Variants in ENPP7 observed in about 807,000 individuals in gnomAD.
ENPP7 encodes the protein ectonucleotide pyrophosphatase/phosphodiesterase family member 7.
In ENPP7, 39 loss-of-function variants were observed where a neutral mutation model predicts 33.6. The observed-to-expected ratio is 1.16, with a 90% CI of 0.90 to 1.52. ENPP7 has a LOEUF of 1.52. Ranked by LOEUF, ENPP7 falls within the 40% of genes most tolerant of loss-of-function variation. The pLI is 0.00. For missense variants in ENPP7, 594 were observed against 641.0 expected, an observed-to-expected ratio of 0.93 and a Z score of 0.79; for synonymous variants, 244 against 274.3, an observed-to-expected ratio of 0.89 and a Z score of 1.09.
In ENPP7 at chr17:79,739,154, G is replaced by A. The variant is rs1555824179; in HGVS notation, c.*16+1092G>A. ...ACACCAGAAGAAGCCAGACACACCA[G>A]GCAGGGGAAAGAGCCAGGGACAGGC... On this transcript the variant is annotated intron_variant, in intron 5 of 5. Coordinates refer to ENST00000328313, the MANE Select transcript of ENPP7 (RefSeq NM_178543.5). This position sits in a 1 kb window ranked among gnomAD's most constrained non-coding sequence, Gnocchi z 4.4. The A allele has an allele frequency of 6.5e-6, 1 of 152,794 alleles. No homozygotes were observed. Among genetic ancestry groups the A allele is most frequent in the African/African-American group, 2.4e-5 (1 of 41,472 alleles). The allele number at this position is 152,794 out of a possible 1,614,324, so 9.5% of individuals were successfully genotyped here.
At position 79,735,582 on chromosome 17, in the gene ENPP7, G is replaced by A. The variant is rs1470975243; in HGVS notation, c.939G>A (p.Glu313=). 3.1e-6 allele frequency: 5 copies of A among 1,613,892 alleles called. No homozygotes were observed. The highest frequency in any genetic ancestry group is 4.2e-6 in the Non-Finnish European group (5 of 1,180,018). Residue 313 remains glutamate, a synonymous_variant, in exon 3 of 6, where the codon GAG becomes GAA. Coordinates refer to ENST00000328313, the MANE Select transcript of ENPP7 (RefSeq NM_178543.5). The surrounding 1 kb of genome is among the most constrained non-coding windows in gnomAD (Gnocchi z 5.5). ...CCAAGCTCCACGTCTACAAGAAGGA[G>A]GCGTTCCCCGAGGCCTTCCACTACG... The part of the protein sequence containing the change: ...AHPKLHVYKK[E]AFPEAFHYAN...
At chr17:79,741,620 A>T (rs1200137047) in intron 5 of ENPP7, among the ~76,000 whole-genome samples, 174 bp from the exon 6 acceptor site, 7 of 149,948 alleles carry the variant, frequency 4.7e-5, no homozygotes, top group Middle Eastern at 3.2e-3. Flanking sequence ...GCAGCCTGGT[A>T]GGGCCGCCCC....
In ENPP7 at chr17:79,731,148, C is replaced by T. The variant is rs2094284356; in HGVS notation, c.9C>T (p.Gly3=). 1 of 1,607,912 alleles carries T rather than the reference C, an allele frequency of 6.2e-7. No individual in the cohort carries two copies. Among genetic ancestry groups the T allele is most frequent in the Non-Finnish European group, 8.5e-7 (1 of 1,178,866 alleles). ...CATCTGGAAGGCCCAGCATGAGAGG[C>T]CCGGCCGTCCTCCTCACTGTGGCTC... MR[G]PAVLLTVALA... is the part of the protein sequence containing the mutation. Residue 3 remains glycine, a synonymous_variant, in exon 1 of 6, where the codon GGC becomes GGT. Transcript: ENST00000328313.
intron 1 of ENPP7, among the ~76,000 whole-genome samples, chr17:79,732,859 C>T (rs2094288940): frequency 6.6e-6 from 1 of 152,232 alleles, no homozygotes; most frequent in South Asian, 2.1e-4. Context: ...ACACAGGCAG[C>T]TCATCCCCAC....
Position 79,733,627 on chromosome 17 carries a change from C to A in ENPP7, c.373C>A (p.Pro125Thr). 6.2e-7 allele frequency: 1 copy of A among 1,612,644 alleles called. No individual in the cohort carries two copies. Among genetic ancestry groups the A allele is most frequent in the Non-Finnish European group, 8.5e-7 (1 of 1,179,892 alleles). Residue 125 changes from proline (P) to threonine (T), a missense_variant, in exon 2 of 6, where the codon CCC becomes ACC. Pro to Thr is a conservative substitution (Grantham distance 38). This residue lies in a region of ENPP7 where 504 missense variants were observed against 512.8 expected (regional missense o/e 0.98). Transcript: ENST00000328313. Reference sequence around the variant, plus strand: ...GAGGTGGTGGGACAACGGCAGCGTGCCCATCTGGATCACAGCCCAGAGGCA... The same window carrying A: ...GAGGTGGTGGGACAACGGCAGCGTGACCATCTGGATCACAGCCCAGAGGCA... Reference protein sequence around the residue: ...IQRWWDNGSVPIWITAQRQGL... With the variant: ...IQRWWDNGSVTIWITAQRQGL...
chr17:79,739,956 C>T lies in ENPP7; in HGVS notation c.*17-1838C>T, dbSNP rs2094302463. On this transcript the variant is annotated intron_variant, in intron 5 of 5. Transcript: ENST00000328313. This position sits in a 1 kb window ranked among gnomAD's most constrained non-coding sequence, Gnocchi z 4.4. Reference sequence around the variant, plus strand: ...CCTGGAACCCCAGTACTTCCAGAGGCCGACGCAGGAGGATCGCTTGAGCCC... The same window carrying T: ...CCTGGAACCCCAGTACTTCCAGAGGTCGACGCAGGAGGATCGCTTGAGCCC... Among the ~76,000 whole-genome samples the T allele has an allele frequency of 6.6e-6, 1 of 152,186 alleles. No homozygotes were observed. Among genetic ancestry groups the T allele is most frequent in the Admixed American group, 6.5e-5 (1 of 15,276 alleles).
rs1487716435 is a variant in ENPP7 at position 79,732,123 on chromosome 17, T to TATATATATATATACATATATACACAC, written c.253+739_253+740insATATACATATATACACACATATATAT. Among the ~76,000 whole-genome samples the TATATATATATATACATATATACACAC allele has an allele frequency of 2.7e-3, 102 of 37,750 alleles. 6 individuals carry two copies. Among genetic ancestry groups the TATATATATATATACATATATACACAC allele is most frequent in the African/African-American group, 0.011 (92 of 8,140 alleles). The allele number at this position is 37,750 out of a possible 152,430, so 24.8% of individuals were successfully genotyped here. A position where few individuals can be genotyped will look rare whatever the true frequency, so the allele number is the denominator to read the frequency against. The stretch of plus-strand genomic sequence containing the variant: ...ATATATATATACATATATATATACA[T>TATATATATATATACATATATACACAC]ATATATATGTATATATATATATATA... On this transcript the variant is annotated intron_variant, in intron 1 of 5. Coordinates refer to ENST00000328313, the MANE Select transcript of ENPP7 (RefSeq NM_178543.5).
Position 79,742,070 on chromosome 17 carries a change from C to G in ENPP7, c.*293C>G, listed in dbSNP as rs1388519892. The G allele has an allele frequency of 2.1e-6, 1 of 466,490 alleles. No individual in the cohort carries two copies. Among genetic ancestry groups the G allele is most frequent in the Non-Finnish European group, 2.8e-6 (1 of 355,168 alleles). 28.9% of individuals were successfully genotyped at this position (466,490 alleles called of 1,614,324 possible). A position where few individuals can be genotyped will look rare whatever the true frequency, so the allele number is the denominator to read the frequency against. On this transcript the variant is annotated 3_prime_UTR_variant, in exon 6 of 6. Coordinates refer to ENST00000328313, the MANE Select transcript of ENPP7 (RefSeq NM_178543.5). ...GGGCCCCCTCCTCCTGCAAAACCCG[C>G]TCCCGAAGCGGCGCTGCCGTCTGCA...
At chr17:79,741,157 T>A (rs1193316597) in intron 5 of ENPP7, among the ~76,000 whole-genome samples, 1 of 152,094 alleles carries the variant, frequency 6.6e-6, no homozygotes, top group Admixed American at 6.5e-5. Flanking sequence ...ACTAATTTTT[T>A]AATTTTTAAT....
At position 79,738,173 on chromosome 17, in the gene ENPP7, C is replaced by A; in HGVS notation, c.*16+111C>A. On this transcript the variant is annotated intron_variant, in intron 5 of 5. Coordinates refer to ENST00000328313, the MANE Select transcript of ENPP7 (RefSeq NM_178543.5). This position sits in a 1 kb window ranked among gnomAD's most constrained non-coding sequence, Gnocchi z 6.2. ...ACCAGAACAGAGCTGCCAGGCCCCG[C>A]CAAGCAGGTGACTCCCACTGACCTG... 1 of 1,161,858 alleles carries A rather than the reference C, an allele frequency of 8.6e-7. No individual in the cohort carries two copies. Among genetic ancestry groups the A allele is most frequent in the Non-Finnish European group, 1.2e-6 (1 of 819,132 alleles). The allele number at this position is 1,161,858 out of a possible 1,614,324, so 72.0% of individuals were successfully genotyped here.
At chr17:79,732,020 C>G (rs575752016) in intron 1 of ENPP7, among the ~76,000 whole-genome samples, 11 of 151,188 alleles carry the variant, frequency 7.3e-5, no homozygotes, top group Admixed American at 4.0e-4. Flanking sequence ...ATTGCATGAA[C>G]CCAGGAGGTG....
intron 2 of ENPP7, among the ~76,000 whole-genome samples, chr17:79,734,087 A>C (rs1483762120): frequency 6.6e-6 from 1 of 152,156 alleles, no homozygotes; most frequent in Non-Finnish European, 1.5e-5. Flanking sequence ...GAACAGCTAA[A>C]TTCTAAAGGG....
Position 79,738,042 on chromosome 17 carries a change from C to G in ENPP7, c.1373C>G (p.Ala458Gly), listed in dbSNP as rs113179138. The change falls in exon 5 of 6, where the codon GCA becomes GGA. Residue 458 changes from alanine (A) to glycine (G), a missense_variant. Ala to Gly is a moderately conservative substitution (Grantham distance 60). Transcript: ENST00000328313. The surrounding 1 kb of genome is among the most constrained non-coding windows in gnomAD (Gnocchi z 6.2). ...LGTVILLSEV[A>G] Reference sequence around the variant, plus strand: ...ACCGTGATTCTTCTGTCTGAGGTCGCATAACGCCCCATGGCTCAAGGTCAG... The same window carrying G: ...ACCGTGATTCTTCTGTCTGAGGTCGGATAACGCCCCATGGCTCAAGGTCAG... 4 of 1,610,478 alleles carry G rather than the reference C, an allele frequency of 2.5e-6. No homozygotes were observed. In the African/African-American group the frequency reaches 4.0e-5, roughly 16 times the overall value.
rs138305176 is a variant in ENPP7, at chr17:79,733,566, G to A, written c.312G>A (p.Lys104=). ...VHNMYYNTTS[K]VKLPYHATLG... is the part of the protein sequence containing the mutation. ...ACATGTACTACAACACCACCAGCAA[G>A]GTGAAGCTGCCCTACCACGCCACGC... Residue 104 remains lysine (K), a synonymous_variant, in exon 2 of 6, where the codon AAG becomes AAA. Transcript: ENST00000328313. The A allele has an allele frequency of 1.9e-6, 3 of 1,613,488 alleles. No individual in the cohort carries two copies. The Admixed American group carries it at 5.0e-5, about 27-fold the overall frequency.
chr17:79,733,468 C>G lies in ENPP7; in HGVS notation c.254-40C>G, dbSNP rs782411680. ...CTGGGTCCGGCCTTCGCTGTGACCC[C>G]GGTCCATCCCGCCGCCCTCTGCACC... On this transcript the variant is annotated intron_variant, in intron 1 of 5. Coordinates refer to ENST00000328313, the MANE Select transcript of ENPP7 (RefSeq NM_178543.5). The G allele has an allele frequency of 1.2e-5, 20 of 1,600,762 alleles. 1 individual carries two copies. In the South Asian group the frequency reaches 2.2e-4, roughly 18 times the overall value.
At chr17:79,732,210 G>A (rs1235715610) in intron 1 of ENPP7, among the ~76,000 whole-genome samples, 4 of 136,448 alleles carry the variant, frequency 2.9e-5, no homozygotes, top group African/African-American at 1.1e-4. Flanking sequence ...CCAGGAGGTA[G>A]AGGCTGCAGT....
chr17:79,738,045 A>C lies in ENPP7; in HGVS notation c.1376A>C (p.Ter459SerextTer?). The change falls in exon 5 of 6, where the codon TAA becomes TCA. Residue 459 changes from the stop codon to serine (S), a stop_lost. Transcript: ENST00000328313. This position sits in a 1 kb window ranked among gnomAD's most constrained non-coding sequence, Gnocchi z 6.2. Reference protein sequence around the residue: ...GTVILLSEVA* With the variant: ...GTVILLSEVAS ...GTGATTCTTCTGTCTGAGGTCGCAT[A>C]ACGCCCCATGGCTCAAGGTCAGAGA... 1 of 1,610,454 alleles carries C rather than the reference A, an allele frequency of 6.2e-7. No individual in the cohort carries two copies. The highest frequency in any genetic ancestry group is 8.5e-7 in the Non-Finnish European group (1 of 1,179,924).
Position 79,731,139 on chromosome 17 carries a change from C to T in ENPP7, c.-1C>T, listed in dbSNP as rs1424208703. 3 of 1,606,202 alleles carry T rather than the reference C, an allele frequency of 1.9e-6. No homozygotes were observed. Among genetic ancestry groups the T allele is most frequent in the Non-Finnish European group, 2.5e-6 (3 of 1,178,088 alleles). On this transcript the variant is annotated 5_prime_UTR_variant, in exon 1 of 6. Coordinates refer to ENST00000328313, the MANE Select transcript of ENPP7 (RefSeq NM_178543.5). ...GTGCCTGTCCATCTGGAAGGCCCAGCATGAGAGGCCCGGCCGTCCTCCTCA... is the reference window on the plus strand; with the variant it reads ...GTGCCTGTCCATCTGGAAGGCCCAGTATGAGAGGCCCGGCCGTCCTCCTCA...
At chr17:79,740,036 T>G (rs782107630) in intron 5 of ENPP7, among the ~76,000 whole-genome samples, 5 of 151,924 alleles carry the variant, frequency 3.3e-5, no homozygotes, top group Non-Finnish European at 5.9e-5. Context: ...TGTAGGAAAT[T>G]TTTTTTTAAT....
Sources: gnomAD v4.1 joint callset for allele counts (sites outside exome capture counted in the v4.1 genomes callset) on GRCh38, gnomAD v4.1.1 for gene constraint, gnomAD v4.1.1 regional missense constraint, Gnocchi (gnomAD v3.1) non-coding constraint, MANE v1.5 for transcripts, NCBI Gene and HGNC (gene_info 2026-07-23, HGNC 2026-07-21) for gene names.